The following GSG1L variants were observed in gnomAD, a reference collection of about 807,000 sequenced individuals.
The protein encoded by GSG1L is germ cell-specific gene 1-like protein.
A neutral mutation model predicts 42.1 loss-of-function variants in GSG1L; 24 were observed. That is an observed-to-expected ratio of 0.57 (90% CI 0.41 to 0.80). The LOEUF is 0.80. GSG1L is among the 30% of genes least tolerant of loss of function. The pLI is 0.00. For synonymous variants in GSG1L, 215 were observed against 203.5 expected, an observed-to-expected ratio of 1.06 and a Z score of -0.48; for missense variants, 445 against 472.2, an observed-to-expected ratio of 0.94 and a Z score of 0.53.
At chr16:27,955,918 AAGGAAGGAAAGAAG>A in intron 2 of GSG1L, among the ~76,000 whole-genome samples, 21 of 140,908 alleles carry the variant, frequency 1.5e-4, no homozygotes, top group African/African-American at 6.2e-4. Context: ...GGAAGGAAGG[AAGGAAGGAAAGAAG>A]GAAGGAAGGA....
At chr16:28,008,204 C>T (rs970933879) in intron 1 of GSG1L, among the ~76,000 whole-genome samples, 6 of 151,860 alleles carry the variant, frequency 4.0e-5, no homozygotes, top group South Asian at 2.1e-4. Flanking sequence ...CTCAGCCTCC[C>T]GAGTAGCTGG....
intron 1 of GSG1L, among the ~76,000 whole-genome samples, chr16:28,052,443 C>G (rs567548801): frequency 6.6e-6 from 1 of 152,228 alleles, no homozygotes; most frequent in South Asian, 2.1e-4. Flanking sequence ...TCTCTGCTCT[C>G]TAAGCACATA....
At chr16:27,953,567 C>A (rs990139786) in intron 2 of GSG1L, among the ~76,000 whole-genome samples, 2 of 152,032 alleles carry the variant, frequency 1.3e-5, no homozygotes, top group East Asian at 3.9e-4. Flanking sequence ...ATAGAGAAGA[C>A]GCACCAATGC....
At chr16:28,009,999 A>C (rs1170933668) in intron 1 of GSG1L, among the ~76,000 whole-genome samples, 2 of 151,988 alleles carry the variant, frequency 1.3e-5, no homozygotes. Context: ...ACACACACAC[A>C]CCCGCAAAAC....
chr16:27,934,134 T>C (rs2084687872), intron 2 of GSG1L, among the ~76,000 whole-genome samples: 1 of 152,194 alleles, frequency 6.6e-6, no homozygotes, highest in East Asian at 1.9e-4. Context: ...AGGTCATTAG[T>C]TCCATTTGCA....
intron 2 of GSG1L, among the ~76,000 whole-genome samples, chr16:27,941,307 C>CAA (rs1488021317): frequency 6.6e-6 from 1 of 151,662 alleles, no homozygotes; most frequent in Non-Finnish European, 1.5e-5. Context: ...AACTTACCAC[C>CAA]AACAAAAAAA....
intron 2 of GSG1L, among the ~76,000 whole-genome samples, chr16:27,931,451 A>G (rs2084656928): frequency 6.6e-6 from 1 of 152,182 alleles, no homozygotes; most frequent in Non-Finnish European, 1.5e-5. Flanking sequence ...AAAAACTCAA[A>G]CCAGAAGAGC....
chr16:28,021,792 A>G (rs989250765), intron 1 of GSG1L, among the ~76,000 whole-genome samples: 1 of 152,096 alleles, frequency 6.6e-6, no homozygotes, highest in Non-Finnish European at 1.5e-5. Context: ...AAAATACTAC[A>G]TAGCAGAGCA....
intron 1 of GSG1L, among the ~76,000 whole-genome samples, chr16:28,042,217 C>T (rs977955607): frequency 6.6e-6 from 1 of 152,128 alleles, no homozygotes; most frequent in Non-Finnish European, 1.5e-5. Context: ...AGGTGGATCA[C>T]TTGAGGTCAG....
At chr16:27,990,813 T>A (rs1382243631) in intron 1 of GSG1L, among the ~76,000 whole-genome samples, 2 of 152,236 alleles carry the variant, frequency 1.3e-5, no homozygotes, top group Non-Finnish European at 2.9e-5. Flanking sequence ...TATAGCAGCA[T>A]GTTTTGCAAT....
intron 2 of GSG1L, among the ~76,000 whole-genome samples, chr16:27,902,125 G>A (rs1215657029): frequency 6.6e-6 from 1 of 152,218 alleles, no homozygotes; most frequent in African/African-American, 2.4e-5. Context: ...CTGGCAGGAT[G>A]TTGTCTGTCT....
intron 5 of GSG1L, among the ~76,000 whole-genome samples, chr16:27,810,103 G>C (rs1044031260): frequency 1.3e-5 from 2 of 152,226 alleles, no homozygotes; most frequent in African/African-American, 4.8e-5. Context: ...ATGCTGTGTG[G>C]ACAGAAATGT....
chr16:27,976,001 G>C lies in GSG1L; in HGVS notation c.350-12798C>G, dbSNP rs578059971. ...TAAATAACACCCAGACAGGCCAGGC[G>C]TGGTGGCTCACGCCTGTAATCTCAG... On this transcript the variant is annotated intron_variant, in intron 1 of 6. Transcript: ENST00000447459. Among the ~76,000 whole-genome samples, 31 of 152,332 alleles carry C rather than the reference G, an allele frequency of 2.0e-4. 3 individuals are homozygous for C. In the South Asian group the frequency reaches 6.0e-3, roughly 30 times the overall value.
chr16:27,845,770 G>A (rs530014957), intron 3 of GSG1L, among the ~76,000 whole-genome samples: 1 of 152,164 alleles, frequency 6.6e-6, no homozygotes, highest in East Asian at 1.9e-4. Flanking sequence ...CTGCTTCTTT[G>A]AATGTCTGTA....
intron 2 of GSG1L, among the ~76,000 whole-genome samples, chr16:27,891,506 C>A (rs1049472190): frequency 2.2e-4 from 33 of 152,042 alleles, no homozygotes; most frequent in African/African-American, 7.5e-4. Flanking sequence ...TGCTTTATCA[C>A]CCAGGCTGGA....
chr16:27,801,343 C>T (rs954731882), intron 6 of GSG1L, among the ~76,000 whole-genome samples: 1 of 152,178 alleles, frequency 6.6e-6, no homozygotes, highest in African/African-American at 2.4e-5. Context: ...GAAGAAGAAT[C>T]CCCGCTTCTC....
chr16:27,944,464 A>G (rs1235167168), intron 2 of GSG1L, among the ~76,000 whole-genome samples: 1 of 151,958 alleles, frequency 6.6e-6, no homozygotes, highest in Non-Finnish European at 1.5e-5. Context: ...TCTACTAAAA[A>G]CAAAAAAATT....
rs574994313 is a variant in GSG1L at position 27,902,509 on chromosome 16, G to A, written c.398-17871C>T. On this transcript the variant is annotated intron_variant, in intron 2 of 6. Transcript: ENST00000447459. ...TGGTGAGGCTGGCAGTGCAGACCCCGCGGGTGCCGATGATGAGACGGGAGG... is the reference window on the plus strand; with the variant it reads ...TGGTGAGGCTGGCAGTGCAGACCCCACGGGTGCCGATGATGAGACGGGAGG... Among the ~76,000 whole-genome samples, 17 of 152,238 alleles carry A rather than the reference G, an allele frequency of 1.1e-4. No homozygotes were observed. The East Asian group carries it at 1.4e-3, about 12-fold the overall frequency.
intron 2 of GSG1L, among the ~76,000 whole-genome samples, chr16:27,937,831 G>A (rs557583634): frequency 1.3e-5 from 2 of 152,180 alleles, no homozygotes; most frequent in African/African-American, 2.4e-5. Context: ...AGCAGACTTA[G>A]AACATGAGAT....
Sources: gnomAD v4.1 joint callset for allele counts (sites outside exome capture counted in the v4.1 genomes callset) on GRCh38, gnomAD v4.1.1 for gene constraint, MANE v1.5 for transcripts, NCBI Gene and HGNC (gene_info 2026-07-23, HGNC 2026-07-21) for gene names.